PRKCE: variants seen among roughly 807,000 people sequenced by gnomAD.
PRKCE encodes protein kinase C epsilon type.
PRKCE carries 16 observed loss-of-function variants against 85.4 expected under a neutral mutation model. The ratio of observed to expected loss-of-function variants is 0.19; its 90% CI spans 0.13 to 0.28. The LOEUF (loss-of-function observed/expected upper bound fraction) is 0.28, where lower values mean the gene tolerates loss of function less well. Ranked by LOEUF, PRKCE falls within the 10% of genes least tolerant of loss-of-function variation. PRKCE has a pLI of 1.00. For missense variants in PRKCE, 573 were observed against 975.2 expected, an observed-to-expected ratio of 0.59 and a Z score of 5.49; for synonymous variants, 388 against 371.5, an observed-to-expected ratio of 1.04 and a Z score of -0.51.
intron 10 of PRKCE, among the ~76,000 whole-genome samples, chr2:46,070,512 A>G (rs899742766): frequency 1.3e-5 from 2 of 152,110 alleles, no homozygotes; most frequent in South Asian, 2.1e-4. Flanking sequence ...GTGTGGTGAC[A>G]TGCACCTGTA....
At chr2:45,660,811 T>C (rs1348557089) in intron 1 of PRKCE, among the ~76,000 whole-genome samples, 1 of 152,228 alleles carries the variant, frequency 6.6e-6, no homozygotes, top group Non-Finnish European at 1.5e-5. Flanking sequence ...CTGTTTGAGA[T>C]TTAGTTTTCT....
chr2:45,783,877 G>A (rs1686387765), intron 1 of PRKCE, among the ~76,000 whole-genome samples: 1 of 152,206 alleles, frequency 6.6e-6, no homozygotes, highest in South Asian at 2.1e-4. Context: ...TGATAGGAAA[G>A]TCACAGAAAG....
intron 1 of PRKCE, chr2:45,675,708 G>T (rs1004203488): frequency 4.6e-5 from 7 of 152,208 alleles, no homozygotes; most frequent in African/African-American, 1.7e-4. Flanking sequence ...GGGAGGCGGG[G>T]AGGTACTGGG....
chr2:46,022,303 T>A (rs905692509), intron 10 of PRKCE, among the ~76,000 whole-genome samples: 2 of 152,148 alleles, frequency 1.3e-5, no homozygotes, highest in African/African-American at 4.8e-5. Flanking sequence ...ACCTATACGA[T>A]CCCTCCAGAA....
At chr2:45,731,316 T>C (rs1681555751) in intron 1 of PRKCE, among the ~76,000 whole-genome samples, 1 of 152,212 alleles carries the variant, frequency 6.6e-6, no homozygotes, top group South Asian at 2.1e-4. Flanking sequence ...TCCTTGTGGT[T>C]TTCTGGTCAG....
chr2:46,182,457 G>A (rs1181091658), intron 14 of PRKCE, among the ~76,000 whole-genome samples: 1 of 152,132 alleles, frequency 6.6e-6, no homozygotes, highest in Non-Finnish European at 1.5e-5. Context: ...CAGCCCTCCT[G>A]GCAGAGGTGA....
intron 10 of PRKCE, among the ~76,000 whole-genome samples, chr2:46,017,489 A>C (rs771887106): frequency 6.6e-6 from 1 of 152,220 alleles, no homozygotes; most frequent in Admixed American, 6.5e-5. Flanking sequence ...TTTGGCTACT[A>C]TGAATAATGC....
intron 10 of PRKCE, among the ~76,000 whole-genome samples, chr2:46,011,355 C>A (rs1705657565): frequency 6.6e-6 from 1 of 152,182 alleles, no homozygotes; most frequent in African/African-American, 2.4e-5. Flanking sequence ...TTCTCATCTC[C>A]ATGTCATTTT....
intron 1 of PRKCE, among the ~76,000 whole-genome samples, chr2:45,783,837 T>A (rs1459991287): frequency 6.6e-6 from 1 of 152,230 alleles, no homozygotes; most frequent in East Asian, 1.9e-4. Flanking sequence ...TTGTTGAATC[T>A]GAATGTGTAG....
intron 11 of PRKCE, among the ~76,000 whole-genome samples, chr2:46,129,141 A>T (rs190753081): frequency 6.6e-6 from 1 of 152,264 alleles, no homozygotes; most frequent in Admixed American, 6.5e-5. Context: ...GATAGTACCC[A>T]TTTCAGAGTT....
At chr2:46,149,062 C>T (rs2104511761) in intron 12 of PRKCE, among the ~76,000 whole-genome samples, 1 of 152,326 alleles carries the variant, frequency 6.6e-6, no homozygotes, top group South Asian at 2.1e-4. Flanking sequence ...AGATTCTAAA[C>T]TGTGAGTGTT....
chr2:45,763,323 G>A (rs1261261118), intron 1 of PRKCE, among the ~76,000 whole-genome samples: 1 of 152,140 alleles, frequency 6.6e-6, no homozygotes, highest in Non-Finnish European at 1.5e-5. Context: ...AATGGAAGGG[G>A]CATTTCTTTG....
At chr2:45,664,912 T>C (rs1675840626) in intron 1 of PRKCE, among the ~76,000 whole-genome samples, 4 of 152,238 alleles carry the variant, frequency 2.6e-5, no homozygotes, top group African/African-American at 9.6e-5. Flanking sequence ...GTGAGTCTTA[T>C]ATATGCCCAA....
chr2:45,940,050 T>C (rs1206426726), intron 2 of PRKCE, among the ~76,000 whole-genome samples: 1 of 152,190 alleles, frequency 6.6e-6, no homozygotes, highest in Admixed American at 6.5e-5. Context: ...GACCTGATGT[T>C]TTAGAACTTG....
At chr2:46,021,661 A>C (rs141442297) in intron 10 of PRKCE, among the ~76,000 whole-genome samples, 2 of 152,330 alleles carry the variant, frequency 1.3e-5, no homozygotes, top group African/African-American at 4.8e-5. Context: ...GTCACAGTTC[A>C]GTTGGCACAT....
At chr2:45,975,757 C>G (rs1440485289) in intron 2 of PRKCE, among the ~76,000 whole-genome samples, 1 of 152,208 alleles carries the variant, frequency 6.6e-6, no homozygotes, top group Non-Finnish European at 1.5e-5. Context: ...ATCTTTTTGA[C>G]TCCAGTGGGA....
chr2:45,682,703 C>T (rs553533081), intron 1 of PRKCE, among the ~76,000 whole-genome samples: 16 of 152,342 alleles, frequency 1.1e-4, no homozygotes, highest in Non-Finnish European at 2.2e-4. Flanking sequence ...TCTCCTGCCT[C>T]AGCCTCACAA....
At chr2:46,115,447 G>A (rs1274548279) in intron 11 of PRKCE, among the ~76,000 whole-genome samples, 1 of 152,160 alleles carries the variant, frequency 6.6e-6, no homozygotes, top group African/African-American at 2.4e-5. Context: ...TCAGAGATTT[G>A]AGCCACCAAA....
intron 1 of PRKCE, among the ~76,000 whole-genome samples, chr2:45,698,843 G>C (rs1487513142): frequency 6.6e-6 from 1 of 152,102 alleles, no homozygotes; most frequent in African/African-American, 2.4e-5. Context: ...GAGGGGAGTA[G>C]AACAGACTTT....
Sources: allele counts gnomAD v4.1 joint callset (sites outside exome capture counted in the v4.1 genomes callset), GRCh38; gene constraint gnomAD v4.1.1; transcripts MANE v1.5; gene names NCBI Gene and HGNC (gene_info 2026-07-23, HGNC 2026-07-21).